KCNMB2: variants seen among roughly 807,000 people sequenced by gnomAD.
The protein encoded by KCNMB2 is potassium calcium-activated channel subfamily M regulatory beta subunit 2, also known as calcium-activated potassium channel subunit beta-2.
In KCNMB2, 9 loss-of-function variants were observed where a neutral mutation model predicts 24.5. The ratio of observed to expected loss-of-function variants is 0.37; its 90% CI spans 0.22 to 0.64. The LOEUF (loss-of-function observed/expected upper bound fraction) is 0.64, where lower values mean the gene tolerates loss of function less well. KCNMB2 is among the 30% of genes least tolerant of loss of function. The pLI is 0.63. For missense variants in KCNMB2, 226 were observed against 284.3 expected, an observed-to-expected ratio of 0.79 and a Z score of 1.47; for synonymous variants, 109 against 104.4, an observed-to-expected ratio of 1.04 and a Z score of -0.27.
chr3:178,722,135 A>AT (rs1241598602), intron 1 of KCNMB2, among the ~76,000 whole-genome samples: 3 of 151,544 alleles, frequency 2.0e-5, no homozygotes, highest in Admixed American at 1.3e-4. Flanking sequence ...AGATTTCCCC[A>AT]TTTTTTTTCT....
At chr3:178,562,265 T>A (rs748258373) in intron 1 of KCNMB2, among the ~76,000 whole-genome samples, 3 of 152,260 alleles carry the variant, frequency 2.0e-5, no homozygotes, top group Admixed American at 6.5e-5. Context: ...CACTGACTTC[T>A]ATGAAATAGG....
intron 2 of KCNMB2, among the ~76,000 whole-genome samples, chr3:178,825,331 A>G (rs1714790447): frequency 6.6e-6 from 1 of 152,200 alleles, no homozygotes; most frequent in African/African-American, 2.4e-5. Flanking sequence ...ATTTGCAGTT[A>G]AGACATTGGC....
intron 2 of KCNMB2, among the ~76,000 whole-genome samples, chr3:178,824,012 C>T (rs1438790190): frequency 1.3e-5 from 2 of 152,194 alleles, no homozygotes; most frequent in Non-Finnish European, 1.5e-5. Flanking sequence ...CCCATTTCCA[C>T]TGCCCTGCAA....
chr3:178,792,497 G>T (rs1308766556), intron 1 of KCNMB2, among the ~76,000 whole-genome samples: 1 of 152,072 alleles, frequency 6.6e-6, no homozygotes, highest in Non-Finnish European at 1.5e-5. Flanking sequence ...GGGAAGAAAA[G>T]AAGGAAGAAA....
chr3:178,629,862 A>T (rs1013169463), intron 1 of KCNMB2, among the ~76,000 whole-genome samples: 7 of 152,230 alleles, frequency 4.6e-5, no homozygotes, highest in Non-Finnish European at 7.3e-5. Context: ...AATGCCCTAC[A>T]TACCTCCATA....
intron 2 of KCNMB2, among the ~76,000 whole-genome samples, chr3:178,810,568 T>C (rs1714146483): frequency 6.6e-6 from 1 of 152,216 alleles, no homozygotes; most frequent in Admixed American, 6.5e-5. Flanking sequence ...GTTTTACTTT[T>C]TTTTCCTTAT....
chr3:178,758,662 C>CCAAGAGGATATATATATATATA (rs1711501845), intron 1 of KCNMB2, among the ~76,000 whole-genome samples: 5 of 8,190 alleles, frequency 6.1e-4, no homozygotes, highest in Non-Finnish European at 1.0e-3. Context: ...ATATATATCT[C>CCAAGAGGATATATATATATATA]TCTCCAAGAG....
chr3:178,836,125 T>C (rs766199759), intron 4 of KCNMB2, among the ~76,000 whole-genome samples: 1 of 152,058 alleles, frequency 6.6e-6, no homozygotes, highest in Non-Finnish European at 1.5e-5. Flanking sequence ...GTGAGGTTAT[T>C]CAGCCAAAAA....
intron 1 of KCNMB2, among the ~76,000 whole-genome samples, chr3:178,758,636 C>CTCTCCAAGAGGATATATATATATATATA (rs1157576707): frequency 3.2e-4 from 4 of 12,344 alleles, no homozygotes; most frequent in African/African-American, 1.5e-3. Flanking sequence ...ATATATCTCT[C>CTCTCCAAGAGGATATATATATATATATA]TCTCCAAGAG....
chr3:178,824,795 T>G (rs1198154065), intron 2 of KCNMB2: 1 of 152,224 alleles, frequency 6.6e-6, no homozygotes, highest in African/African-American at 2.4e-5. Flanking sequence ...CTAAGGCACT[T>G]GTTATTGATC....
intron 1 of KCNMB2, among the ~76,000 whole-genome samples, chr3:178,754,148 T>TTTA (rs1553773699): frequency 2.3e-5 from 2 of 85,180 alleles, no homozygotes; most frequent in Non-Finnish European, 4.6e-5. Flanking sequence ...TAATATTCCA[T>TTTA]TGTATATATA....
Position 178,825,765 on chromosome 3 carries a change from C to A in KCNMB2, c.227+7C>A. The A allele has an allele frequency of 6.3e-7, 1 of 1,596,472 alleles. No homozygotes were observed. The highest frequency in any genetic ancestry group is 8.6e-7 in the Non-Finnish European group (1 of 1,166,046). On this transcript the variant is annotated splice_region_variant and intron_variant, in intron 3 of 4. Coordinates refer to ENST00000452583, the MANE Select transcript of KCNMB2 (RefSeq NM_181361.3). ...TGCGCTCATACATGCAGAGGTAATA[C>A]CACTGGGTGGGTGGGACCCTGCTGT...
At chr3:178,792,791 A>T (rs553940141) in intron 1 of KCNMB2, among the ~76,000 whole-genome samples, 1 of 152,342 alleles carries the variant, frequency 6.6e-6, no homozygotes, top group Admixed American at 6.5e-5. Flanking sequence ...TATGAAAGAG[A>T]TTTCAAGACA....
At chr3:178,787,567 A>G (rs1443687462) in intron 1 of KCNMB2, among the ~76,000 whole-genome samples, 3 of 152,172 alleles carry the variant, frequency 2.0e-5, no homozygotes, top group African/African-American at 4.8e-5. Flanking sequence ...ATAAGGAGCA[A>G]AGCCTAGGTT....
chr3:178,541,003 TA>T (rs1412202264), intron 1 of KCNMB2, among the ~76,000 whole-genome samples: 2 of 152,212 alleles, frequency 1.3e-5, no homozygotes, highest in Non-Finnish European at 2.9e-5. Context: ...ATGTGGTAAT[TA>T]AATGTTTTCC....
chr3:178,710,885 CATTT>C (rs1481049780), intron 1 of KCNMB2, among the ~76,000 whole-genome samples: 17 of 152,058 alleles, frequency 1.1e-4, no homozygotes, highest in Non-Finnish European at 2.5e-4. Context: ...ATTATGCATT[CATTT>C]GTTTACTCAA....
chr3:178,557,377 C>T (rs1206957781), intron 1 of KCNMB2, among the ~76,000 whole-genome samples: 1 of 152,016 alleles, frequency 6.6e-6, no homozygotes, highest in African/African-American at 2.4e-5. Flanking sequence ...GAATTAAGAG[C>T]GGAAACATTT....
intron 2 of KCNMB2, among the ~76,000 whole-genome samples, chr3:178,822,964 C>A (rs1714690583): frequency 6.6e-6 from 1 of 152,174 alleles, no homozygotes; most frequent in African/African-American, 2.4e-5. Flanking sequence ...ATCTCTATGG[C>A]AGCCATCAGA....
At chr3:178,587,460 G>A (rs997714155) in intron 1 of KCNMB2, among the ~76,000 whole-genome samples, 3 of 152,044 alleles carry the variant, frequency 2.0e-5, no homozygotes, top group Non-Finnish European at 4.4e-5. Flanking sequence ...TTTCCCTCTT[G>A]TTGCCCAGGC....
Sources: allele counts gnomAD v4.1 joint callset (sites outside exome capture counted in the v4.1 genomes callset), GRCh38; gene constraint gnomAD v4.1.1; transcripts MANE v1.5; gene names NCBI Gene and HGNC (gene_info 2026-07-23, HGNC 2026-07-21).